Variants in EIF2B5 observed in about 807,000 individuals in gnomAD.
EIF2B5 encodes the protein translation initiation factor eIF2B subunit epsilon.
EIF2B5 carries 38 observed loss-of-function variants against 87.3 expected under a neutral mutation model. That is an observed-to-expected ratio of 0.44 (90% CI 0.34 to 0.57). EIF2B5 has a LOEUF of 0.57. Among genes scored for constraint, EIF2B5 ranks in the 20% least tolerant of loss-of-function variants. EIF2B5 has a pLI of 0.02. For missense variants in EIF2B5, 784 were observed against 909.5 expected (o/e 0.86, Z 1.78); for synonymous variants, 313 against 339.6 (o/e 0.92, Z 0.86).
chr3:184,144,891 G>C lies in EIF2B5; in HGVS notation c.2114G>C (p.Arg705Thr). The stretch of plus-strand genomic sequence containing the variant: ...TCCTCTGCTTCTTTACAGCTGCAGA[G>C]GTTCATCCAGTGGCTAAAAGAGGCA... Reference protein sequence around the residue: ...QQLRKNQQLQRFIQWLKEAEE... With the variant: ...QQLRKNQQLQTFIQWLKEAEE... Residue 705 changes from arginine (R) to threonine (T), a missense_variant, in exon 16 of 16, where the codon AGG (arginine) becomes ACG (threonine). Arg to Thr is a moderately conservative substitution (Grantham distance 71, BLOSUM62 -1). Coordinates refer to ENST00000648915, the MANE Select transcript of EIF2B5 (RefSeq NM_003907.3). 1 of 1,613,700 alleles carries C rather than the reference G, an allele frequency of 6.2e-7. No homozygotes were observed. The highest frequency in any genetic ancestry group is 8.5e-7 in the Non-Finnish European group (1 of 1,179,978).
At position 184,135,527 on chromosome 3, in the gene EIF2B5, G is replaced by A; in HGVS notation, c.142G>A (p.Val48Met). The A allele has an allele frequency of 6.3e-7, 1 of 1,590,492 alleles. No individual in the cohort carries two copies. Among genetic ancestry groups the A allele is most frequent in the Non-Finnish European group, 8.6e-7 (1 of 1,169,492 alleles). Residue 48 changes from valine to methionine, a missense_variant, in exon 1 of 16, where the codon GTG becomes ATG. Coordinates refer to ENST00000648915, the MANE Select transcript of EIF2B5 (RefSeq NM_003907.3). ...GCCGCCGCCCCTACAAGCAGTTCTG[G>A]TGGCCGATAGCTTCGATCGCCGCTT... Reference protein sequence around the residue: ...EPPPPLQAVLVADSFDRRFFP... With the variant: ...EPPPPLQAVLMADSFDRRFFP...
At chr3:184,143,718 C>T in intron 13 of EIF2B5, 153 bp downstream of exon 13, 5 of 1,140,324 alleles carry the variant, frequency 4.4e-6, no homozygotes, top group Non-Finnish European at 5.1e-6. Flanking sequence ...TTGGCTGGTT[C>T]AGAGGGGTCA....
Position 184,137,091 on chromosome 3 carries a change from A to G in EIF2B5, c.320+355A>G, listed in dbSNP as rs577476579. 3 of 358,274 alleles carry G rather than the reference A, an allele frequency of 8.4e-6. No individual in the cohort carries two copies. The East Asian group carries it at 2.2e-4, about 27-fold the overall frequency. 22.2% of individuals were successfully genotyped at this position (358,274 alleles called of 1,614,324 possible). A position where few individuals can be genotyped will look rare whatever the true frequency, so the allele number is the denominator to read the frequency against. ...CTAAATCTTGTTTGTTCTCACCTTC[A>G]AGGATATAAATGAGCTCCTTGTCAT... On this transcript the variant is annotated intron_variant, in intron 2 of 15. Transcript: ENST00000648915.
chr3:184,144,247 T>G, intron 14 of EIF2B5, 23 bp downstream of exon 14: 1 of 1,613,552 alleles, frequency 6.2e-7, no homozygotes, highest in Non-Finnish European at 8.5e-7. Context: ...TCAAGCCCCA[T>G]TCTTCTGCAC....
intron 1 of EIF2B5, chr3:184,135,965 A>G: frequency 3.5e-6 from 1 of 281,952 alleles, no homozygotes; most frequent in Non-Finnish European, 6.8e-6. Context: ...ATATGCCTTA[A>G]AAAGAGCGGG....
At chr3:184,138,630 C>T (rs191496012) in intron 5 of EIF2B5, among the ~76,000 whole-genome samples, 47 of 151,856 alleles carry the variant, frequency 3.1e-4, no homozygotes, top group African/African-American at 1.1e-3. Flanking sequence ...GCTGGGATTA[C>T]AGGCATGAGC....
At position 184,135,590 on chromosome 3, in the gene EIF2B5, G is replaced by C; in HGVS notation, c.195+10G>C. ...CAAGGACCAGCCTCGGGTGAGCGCCGCGCACGCGAGCAGCCAGAGGGCAGG... is the reference window on the plus strand; with the variant it reads ...CAAGGACCAGCCTCGGGTGAGCGCCCCGCACGCGAGCAGCCAGAGGGCAGG... On this transcript the variant is annotated intron_variant, in intron 1 of 15. Transcript: ENST00000648915. The C allele has an allele frequency of 6.3e-7, 1 of 1,578,164 alleles. No individual in the cohort carries two copies. Among genetic ancestry groups the C allele is most frequent in the East Asian group, 2.4e-5 (1 of 42,380 alleles).
chr3:184,143,639 T>C, intron 13 of EIF2B5, 74 bp downstream of exon 13: 1 of 1,607,048 alleles, frequency 6.2e-7, no homozygotes, highest in African/African-American at 1.3e-5. Flanking sequence ...TGTCTTGTTA[T>C]ATTGGGTGTA....
intron 5 of EIF2B5, among the ~76,000 whole-genome samples, chr3:184,138,658 T>TACACTACTAA (rs1713473114): frequency 7.0e-6 from 1 of 143,234 alleles, no homozygotes. Context: ...CCTGGCCTTA[T>TACACTACTAA]TTTCATTTTT....
chr3:184,138,019 A>G lies in EIF2B5; in HGVS notation c.628A>G (p.Asn210Asp). 6.2e-7 allele frequency: 1 copy of G among 1,614,218 alleles called. No individual in the cohort carries two copies. The highest frequency in any genetic ancestry group is 8.5e-7 in the Non-Finnish European group (1 of 1,180,040). The change falls in exon 4 of 16, where the codon AAC (asparagine) becomes GAC (aspartate). Residue 210 changes from asparagine to aspartate, a missense_variant. This residue lies in a region of EIF2B5 where 660 missense variants were observed against 789.5 expected (regional missense o/e 0.84). Transcript: ENST00000648915. ...NVVVAVDSTT[N>D]RVLHFQKTQG... is the part of the protein sequence containing the mutation. Reference sequence around the variant, plus strand: ...GGTAGTGGCTGTGGATAGTACCACAAACAGGGTTCTCCATTTTCAGAAGAC... The same window carrying G: ...GGTAGTGGCTGTGGATAGTACCACAGACAGGGTTCTCCATTTTCAGAAGAC...
At position 184,137,637 on chromosome 3, in the gene EIF2B5, G is replaced by A. The variant is rs113994049; in HGVS notation, c.338G>A (p.Arg113His). ...TCCTTTAGGAAGTCAAAGTGGTGCC[G>A]CCCTACATCTCTCAATGTGGTTCGA... ...KEHLLKSKWC[R>H]PTSLNVVRII... The change falls in exon 3 of 16, where the codon CGC becomes CAC. Residue 113 changes from arginine (R) to histidine (H), a missense_variant. By Grantham distance (29) the Arg-to-His change is conservative. Coordinates refer to ENST00000648915, the MANE Select transcript of EIF2B5 (RefSeq NM_003907.3). The A allele has an allele frequency of 5.1e-4, 826 of 1,614,142 alleles. No homozygotes were observed. Among genetic ancestry groups the A allele is most frequent in the Non-Finnish European group, 6.7e-4 (791 of 1,180,026 alleles).
chr3:184,139,991 C>G (rs540086840), intron 5 of EIF2B5, 89 bp from the exon 6 acceptor site: 1 of 1,091,512 alleles, frequency 9.2e-7, no homozygotes, highest in African/African-American at 1.6e-5. Flanking sequence ...CAACTGCACT[C>G]CAGCCTGGGC....
Position 184,137,653 on chromosome 3 carries a change from T to C in EIF2B5, c.354T>C (p.Asn118=), listed in dbSNP as rs1713421589. The C allele has an allele frequency of 6.2e-7, 1 of 1,614,198 alleles. No individual in the cohort carries two copies. Among genetic ancestry groups the C allele is most frequent in the East Asian group, 2.2e-5 (1 of 44,884 alleles). Residue 118 remains asparagine (N), a synonymous_variant, in exon 3 of 16, where the codon AAT becomes AAC. Transcript: ENST00000648915. ...KSKWCRPTSL[N]VVRIITSELY... ...AGTGGTGCCGCCCTACATCTCTCAATGTGGTTCGAATAATTACATCAGAGC... is the reference window on the plus strand; with the variant it reads ...AGTGGTGCCGCCCTACATCTCTCAACGTGGTTCGAATAATTACATCAGAGC...
At position 184,138,195 on chromosome 3, in the gene EIF2B5, G is replaced by C. The variant is rs762094442; in HGVS notation, c.714G>C (p.Val238=). ...LSLFQGSSDG[V]EVRYDLLDCH... is the part of the protein sequence containing the mutation. ...TGTTTCAGGGCAGTAGTGATGGAGT[G>C]GAGGTTCGATATGATTTACTGGATT... The change falls in exon 5 of 16, where the codon GTG becomes GTC. Residue 238 remains valine (V), a synonymous_variant. Transcript: ENST00000648915. 5 of 1,614,098 alleles carry C rather than the reference G, an allele frequency of 3.1e-6. No homozygotes were observed. The highest frequency in any genetic ancestry group is 3.4e-6 in the Non-Finnish European group (4 of 1,180,032).
chr3:184,141,206 A>G (rs1268751739), intron 7 of EIF2B5, among the ~76,000 whole-genome samples: 1 of 152,146 alleles, frequency 6.6e-6, no homozygotes, highest in Non-Finnish European at 1.5e-5. Context: ...GCCTCTTGGT[A>G]TCTCATTTTG....
Position 184,144,980 on chromosome 3 carries a change from C to T in EIF2B5, c.*37C>T. ...CTGCTCCTTTGGGTGTGATTGAGTG[C>T]CCTCCTGGCTCCTGGGCTGGGACAA... On this transcript the variant is annotated 3_prime_UTR_variant, in exon 16 of 16. Transcript: ENST00000648915. The T allele has an allele frequency of 6.2e-7, 1 of 1,600,540 alleles. No individual in the cohort carries two copies.
At position 184,135,402 on chromosome 3, in the gene EIF2B5, T is replaced by C. The variant is rs1402101007; in HGVS notation, c.17T>C (p.Val6Ala). 1 of 1,580,024 alleles carries C rather than the reference T, an allele frequency of 6.3e-7. No homozygotes were observed. The highest frequency in any genetic ancestry group is 8.6e-7 in the Non-Finnish European group (1 of 1,164,586). The change falls in exon 1 of 16, where the codon GTG becomes GCG. Residue 6 changes from valine to alanine, a missense_variant. This residue lies in a region of EIF2B5 where 117 missense variants were observed against 101.0 expected (regional missense o/e 1.16). Transcript: ENST00000648915. MAAPV[V>A]APPGVVVSRA... ...GAGAAGAAGATGGCGGCCCCTGTAG[T>C]GGCGCCGCCTGGTGTGGTGGTTAGT...
chr3:184,141,532 C>T (rs1214409648), intron 7 of EIF2B5, among the ~76,000 whole-genome samples: 1 of 152,034 alleles, frequency 6.6e-6, no homozygotes, highest in East Asian at 1.9e-4. Context: ...CATACTACTG[C>T]ACTCCAGCCT....
rs532632973 is a variant in EIF2B5 at position 184,143,487 on chromosome 3, C to T, written c.1791C>T (p.Ser597=). Reference sequence around the variant, plus strand: ...TAAAGGAGGTGATGCAGGTACTGAGCCACGTGGTCCTGGAGTTCCCCCTGC... The same window carrying T: ...TAAAGGAGGTGATGCAGGTACTGAGTCACGTGGTCCTGGAGTTCCCCCTGC... The part of the protein sequence containing the change: ...ISLKEVMQVL[S]HVVLEFPLQQ... The change falls in exon 13 of 16, where the codon AGC becomes AGT. Residue 597 remains serine (S), a synonymous_variant. Transcript: ENST00000648915. 6.2e-7 allele frequency: 1 copy of T among 1,614,184 alleles called. No individual in the cohort carries two copies. Among genetic ancestry groups the T allele is most frequent in the East Asian group, 2.2e-5 (1 of 44,878 alleles).
Sources: gnomAD v4.1 joint callset for allele counts (sites outside exome capture counted in the v4.1 genomes callset) on GRCh38, gnomAD v4.1.1 for gene constraint, gnomAD v4.1.1 regional missense constraint, MANE v1.5 for transcripts, NCBI Gene and HGNC (gene_info 2026-07-23, HGNC 2026-07-21) for gene names.